Variants in THSD7B observed in about 807,000 individuals in gnomAD.
THSD7B encodes the protein thrombospondin type-1 domain-containing protein 7B.
A neutral mutation model predicts 213.6 loss-of-function variants in THSD7B; 138 were observed. That is an observed-to-expected ratio of 0.65 (90% CI 0.56 to 0.74). The LOEUF is 0.74. THSD7B is among the 30% of genes least tolerant of loss of function. The pLI, the probability that THSD7B is intolerant of heterozygous loss-of-function variation, is 0.00. For missense variants in THSD7B, 1,931 were observed against 1,991.5 expected (o/e 0.97, Z 0.58); for synonymous variants, 742 against 687.0 (o/e 1.08, Z -1.25).
chr2:137,643,667 A>C (rs372152439), intron 21 of THSD7B, among the ~76,000 whole-genome samples: 40 of 152,352 alleles, frequency 2.6e-4, no homozygotes, highest in African/African-American at 8.7e-4. Flanking sequence ...AATTGAAGGA[A>C]TATTGCTCCT....
chr2:137,241,610 C>G (rs1195698422), intron 9 of THSD7B, among the ~76,000 whole-genome samples: 1 of 151,896 alleles, frequency 6.6e-6, no homozygotes, highest in Non-Finnish European at 1.5e-5. Context: ...TCTACGTGTT[C>G]TATAGAAATA....
intron 2 of THSD7B, among the ~76,000 whole-genome samples, chr2:137,021,369 C>T (rs1012771312): frequency 3.9e-5 from 6 of 152,034 alleles, no homozygotes; most frequent in African/African-American, 1.4e-4. Flanking sequence ...GGATATATTG[C>T]ATAGTTTTGA....
At chr2:137,488,352 A>G (rs987088025) in intron 15 of THSD7B, among the ~76,000 whole-genome samples, 1 of 152,166 alleles carries the variant, frequency 6.6e-6, no homozygotes, top group Non-Finnish European at 1.5e-5. Context: ...TTTAAAACCA[A>G]TGTATAGATC....
At chr2:136,993,674 G>A (rs921826559) in intron 2 of THSD7B, among the ~76,000 whole-genome samples, 1 of 152,174 alleles carries the variant, frequency 6.6e-6, no homozygotes, top group African/African-American at 2.4e-5. Flanking sequence ...GCCCAAATCT[G>A]TTCACGTGAA....
intron 14 of THSD7B, among the ~76,000 whole-genome samples, chr2:137,433,813 A>T (rs1170935353): frequency 1.3e-5 from 2 of 152,092 alleles, no homozygotes; most frequent in African/African-American, 2.4e-5. Flanking sequence ...GTTTAAAAAA[A>T]CTCTTGAAGT....
intron 15 of THSD7B, among the ~76,000 whole-genome samples, chr2:137,517,360 A>T (rs1181621026): frequency 6.6e-6 from 1 of 152,224 alleles, no homozygotes; most frequent in Non-Finnish European, 1.5e-5. Context: ...ACTTACTGGT[A>T]AATCATTTGC....
intron 27 of THSD7B, among the ~76,000 whole-genome samples, chr2:137,668,950 C>T (rs894860600): frequency 9.2e-5 from 14 of 151,910 alleles, no homozygotes; most frequent in East Asian, 3.9e-4. Context: ...GTGGCAGAGG[C>T]GGAAGAAATT....
intron 14 of THSD7B, among the ~76,000 whole-genome samples, chr2:137,437,591 A>G (rs1008219370): frequency 5.9e-5 from 9 of 152,216 alleles, no homozygotes; most frequent in Non-Finnish European, 8.8e-5. Flanking sequence ...AACAGATTAC[A>G]GAAGTCCCTA....
At chr2:137,628,811 T>G (rs951234175) in intron 20 of THSD7B, among the ~76,000 whole-genome samples, 2 of 152,198 alleles carry the variant, frequency 1.3e-5, no homozygotes, top group African/African-American at 4.8e-5. Context: ...CACCTTGTAC[T>G]GCCCCACTGT....
chr2:137,390,980 G>A (rs535335461), intron 12 of THSD7B, among the ~76,000 whole-genome samples: 15 of 152,020 alleles, frequency 9.9e-5, no homozygotes, highest in South Asian at 2.1e-4. Flanking sequence ...TATTTGTAGT[G>A]TGGTATGGGG....
chr2:137,555,023 A>C (rs1305303946), intron 15 of THSD7B, among the ~76,000 whole-genome samples: 1 of 152,190 alleles, frequency 6.6e-6, no homozygotes. Flanking sequence ...TTGAGGCTTG[A>C]GTAGGTAAAT....
At chr2:137,318,086 A>C (rs527530939) in intron 12 of THSD7B, among the ~76,000 whole-genome samples, 1 of 152,204 alleles carries the variant, frequency 6.6e-6, no homozygotes, top group Non-Finnish European at 1.5e-5. Flanking sequence ...TATTAACAGA[A>C]AATCTAACTC....
intron 2 of THSD7B, among the ~76,000 whole-genome samples, chr2:136,996,976 T>G (rs888251018): frequency 2.0e-5 from 3 of 152,236 alleles, no homozygotes; most frequent in African/African-American, 7.2e-5. Context: ...TATTTTTTCT[T>G]AAATACATAT....
chr2:136,829,839 T>C (rs1328423611), intron 1 of THSD7B, among the ~76,000 whole-genome samples: 1 of 152,216 alleles, frequency 6.6e-6, no homozygotes, highest in Non-Finnish European at 1.5e-5. Context: ...CCATCTATTT[T>C]CCTTCTGTCT....
chr2:137,546,097 G>GAGAAATATAAGAAATATA (rs1558834025), intron 15 of THSD7B, among the ~76,000 whole-genome samples: 1 of 150,052 alleles, frequency 6.7e-6, no homozygotes, highest in Non-Finnish European at 1.5e-5. Context: ...ATATCTATCT[G>GAGAAATATAAGAAATATA]AGAAATATAA....
At chr2:137,327,533 C>G (rs1684398918) in intron 12 of THSD7B, among the ~76,000 whole-genome samples, 1 of 152,012 alleles carries the variant, frequency 6.6e-6, no homozygotes. Flanking sequence ...TTCCCATTTA[C>G]TCTTTTCTTT....
chr2:137,414,364 A>G (rs2105016745), intron 14 of THSD7B, among the ~76,000 whole-genome samples: 1 of 152,214 alleles, frequency 6.6e-6, no homozygotes, highest in African/African-American at 2.4e-5. Flanking sequence ...CAAAGAAAAA[A>G]AAATCTTTTA....
At chr2:136,766,870 C>G (rs1473842543) in intron 1 of THSD7B, among the ~76,000 whole-genome samples, 2 of 152,106 alleles carry the variant, frequency 1.3e-5, no homozygotes, top group African/African-American at 2.4e-5. Context: ...CTTTAAATGA[C>G]GGTCTGCCTG....
chr2:136,809,116 T>C (rs1682334860), intron 1 of THSD7B, among the ~76,000 whole-genome samples: 1 of 152,150 alleles, frequency 6.6e-6, no homozygotes, highest in Non-Finnish European at 1.5e-5. Context: ...CATATAAACA[T>C]ATAATATAAT....
Sources: gnomAD v4.1 joint callset for allele counts (sites outside exome capture counted in the v4.1 genomes callset) on GRCh38, gnomAD v4.1.1 for gene constraint, MANE v1.5 for transcripts, NCBI Gene and HGNC (gene_info 2026-07-23, HGNC 2026-07-21) for gene names.